The following EPHA3 variants were observed in gnomAD, a reference collection of about 807,000 sequenced individuals.
The protein encoded by EPHA3 is ephrin type-A receptor 3.
A neutral mutation model predicts 107.1 loss-of-function variants in EPHA3; 42 were observed. The observed-to-expected ratio is 0.39, with a 90% CI of 0.31 to 0.51. The LOEUF (loss-of-function observed/expected upper bound fraction) is 0.51, where lower values mean the gene tolerates loss of function less well. Among genes scored for constraint, EPHA3 ranks in the 20% least tolerant of loss-of-function variants. EPHA3 has a pLI of 0.78. For synonymous variants in EPHA3, 461 were observed against 424.8 expected (o/e 1.09, Z -1.05); for missense variants, 1,183 against 1,211.2 (o/e 0.98, Z 0.35).
chr3:89,381,645 G>T (rs1014571162), intron 5 of EPHA3, among the ~76,000 whole-genome samples: 1 of 151,896 alleles, frequency 6.6e-6, no homozygotes, highest in African/African-American at 2.4e-5. Context: ...CTCCAGCCTG[G>T]GTGACGGAGT....
intron 1 of EPHA3, among the ~76,000 whole-genome samples, chr3:89,110,267 A>G (rs1345355817): frequency 1.3e-5 from 2 of 151,966 alleles, no homozygotes; most frequent in East Asian, 1.9e-4. Context: ...ATATTCTTCA[A>G]TCTGTTATGA....
intron 2 of EPHA3, among the ~76,000 whole-genome samples, chr3:89,134,926 C>T (rs1263966736): frequency 6.6e-6 from 1 of 152,092 alleles, no homozygotes; most frequent in Non-Finnish European, 1.5e-5. Flanking sequence ...TAAGTCATTA[C>T]CAAAAACAAA....
At chr3:89,390,766 G>A (rs80044509) in intron 5 of EPHA3, among the ~76,000 whole-genome samples, 2,403 of 149,644 alleles carry the variant, frequency 0.016, 68 homozygotes, top group African/African-American at 0.056. Flanking sequence ...ATGTCTTCTT[G>A]GAAGAGAAAT....
At chr3:89,217,458 A>G (rs1432718680) in intron 3 of EPHA3, among the ~76,000 whole-genome samples, 1 of 152,102 alleles carries the variant, frequency 6.6e-6, no homozygotes, top group Non-Finnish European at 1.5e-5. Context: ...TCTTACCGCT[A>G]TTTCTATAAA....
Position 89,114,631 on chromosome 3 carries a change from C to T in EPHA3, c.88+6795C>T, listed in dbSNP as rs187814236. On this transcript the variant is annotated intron_variant, in intron 1 of 16. Coordinates refer to ENST00000336596, the MANE Select transcript of EPHA3 (RefSeq NM_005233.6). ...TCCCGAGGTAGGGTGGGTGGGCGAGCGCAGCCTGATGCTCTTTTGCTCCGG... is the reference window on the plus strand; with the variant it reads ...TCCCGAGGTAGGGTGGGTGGGCGAGTGCAGCCTGATGCTCTTTTGCTCCGG... Among the ~76,000 whole-genome samples the T allele has an allele frequency of 2.7e-3, 410 of 152,304 alleles. 2 individuals carry two copies. Among genetic ancestry groups the T allele is most frequent in the African/African-American group, 9.2e-3 (383 of 41,572 alleles).
intron 3 of EPHA3, among the ~76,000 whole-genome samples, chr3:89,290,234 A>C (rs1366647112): frequency 2.6e-5 from 4 of 152,142 alleles, no homozygotes; most frequent in Admixed American, 1.3e-4. Context: ...GTTCCTTTAC[A>C]AACGTATCAA....
chr3:89,246,163 C>A (rs1365157019), intron 3 of EPHA3, among the ~76,000 whole-genome samples: 1 of 152,030 alleles, frequency 6.6e-6, no homozygotes, highest in East Asian at 1.9e-4. Flanking sequence ...ATTATGCCAC[C>A]TTCTGCATTT....
Position 89,347,348 on chromosome 3 carries a change from G to A in EPHA3, c.1306+5258G>A, listed in dbSNP as rs922461496. Among the ~76,000 whole-genome samples the A allele has an allele frequency of 9.1e-4, 134 of 147,740 alleles. 4 individuals are homozygous for A. Among genetic ancestry groups the A allele is most frequent in the Non-Finnish European group, 3.2e-4 (21 of 65,904 alleles). ...AGGTCCTTCACATCCCTTGTAAGTTGGATTCCTAGGTATTTTATTCTCTTT... is the reference window on the plus strand; with the variant it reads ...AGGTCCTTCACATCCCTTGTAAGTTAGATTCCTAGGTATTTTATTCTCTTT... On this transcript the variant is annotated intron_variant, in intron 5 of 16. Coordinates refer to ENST00000336596, the MANE Select transcript of EPHA3 (RefSeq NM_005233.6).
At chr3:89,138,616 C>T (rs969996197) in intron 2 of EPHA3, among the ~76,000 whole-genome samples, 1 of 151,734 alleles carries the variant, frequency 6.6e-6, no homozygotes, top group African/African-American at 2.4e-5. Flanking sequence ...ACATTTTAAG[C>T]AGGTGATCAG....
At chr3:89,292,590 T>A (rs1477992392) in intron 3 of EPHA3, among the ~76,000 whole-genome samples, 4 of 152,184 alleles carry the variant, frequency 2.6e-5, no homozygotes, top group Non-Finnish European at 5.9e-5. Flanking sequence ...ATTTTGATTT[T>A]CCAATTTGTA....
At chr3:89,192,015 C>T (rs1361658230) in intron 2 of EPHA3, among the ~76,000 whole-genome samples, 5 of 152,078 alleles carry the variant, frequency 3.3e-5, no homozygotes, top group Non-Finnish European at 5.9e-5. Flanking sequence ...TGTGTGACTT[C>T]GGGACCTTCC....
chr3:89,408,954 A>G (rs1375613095), intron 9 of EPHA3, among the ~76,000 whole-genome samples: 1 of 152,096 alleles, frequency 6.6e-6, no homozygotes, highest in Non-Finnish European at 1.5e-5. Context: ...TTATTTGCAA[A>G]TTGACATGAT....
At position 89,450,245 on chromosome 3, in the gene EPHA3, G is replaced by A. The variant is rs764487420; in HGVS notation, c.2565G>A (p.Gln855=). 1 of 1,613,896 alleles carries A rather than the reference G, an allele frequency of 6.2e-7. No homozygotes were observed. The highest frequency in any genetic ancestry group is 1.1e-5 in the South Asian group (1 of 91,036). Residue 855 remains glutamine, a synonymous_variant, in exon 15 of 17, where the codon CAG becomes CAA. Transcript: ENST00000336596. ...PPMDCPAALY[Q]LMLDCWQKDR... is the part of the protein sequence containing the mutation. ...TGGACTGCCCAGCTGCCTTGTATCA[G>A]CTGATGCTGGACTGCTGGCAGAAAG...
intron 2 of EPHA3, among the ~76,000 whole-genome samples, chr3:89,131,417 C>T (rs997892642): frequency 6.6e-6 from 1 of 152,098 alleles, no homozygotes; most frequent in Non-Finnish European, 1.5e-5. Flanking sequence ...CAGCCTTTTG[C>T]TTACACATGA....
At chr3:89,115,937 C>T (rs1707244382) in intron 1 of EPHA3, among the ~76,000 whole-genome samples, 1 of 152,146 alleles carries the variant, frequency 6.6e-6, no homozygotes, top group Non-Finnish European at 1.5e-5. Flanking sequence ...ACTAATTTGT[C>T]TTCTGACTTT....
rs560573361 is a variant in EPHA3, at chr3:89,442,435, C to T, written c.2347-6790C>T. Reference sequence around the variant, plus strand: ...GTACAACATTTAAAGCAGTAGTTCGCAAATGGGGATGATTTTGTTCCCCAG... The same window carrying T: ...GTACAACATTTAAAGCAGTAGTTCGTAAATGGGGATGATTTTGTTCCCCAG... On this transcript the variant is annotated intron_variant, in intron 13 of 16. Transcript: ENST00000336596. Among the ~76,000 whole-genome samples the T allele has an allele frequency of 3.3e-5, 5 of 152,250 alleles. No homozygotes were observed. In the East Asian group the frequency reaches 9.7e-4, roughly 29 times the overall value.
intron 1 of EPHA3, among the ~76,000 whole-genome samples, chr3:89,124,517 G>A (rs182890317): frequency 6.6e-6 from 1 of 152,084 alleles, no homozygotes; most frequent in Admixed American, 6.6e-5. Flanking sequence ...CAAAGTATGT[G>A]CTTTTAAAGT....
At chr3:89,110,951 A>AT (rs1165985295) in intron 1 of EPHA3, among the ~76,000 whole-genome samples, 2 of 152,086 alleles carry the variant, frequency 1.3e-5, no homozygotes, top group East Asian at 1.9e-4. Context: ...ACACTAAATC[A>AT]TTTTTTCTAT....
chr3:89,399,952 C>A (rs1172465021), intron 7 of EPHA3: 7 of 1,049,210 alleles, frequency 6.7e-6, no homozygotes, highest in Non-Finnish European at 8.1e-6. Context: ...TTTATCACTT[C>A]ATTCACATTC....
Sources: allele counts gnomAD v4.1 joint callset (sites outside exome capture counted in the v4.1 genomes callset), GRCh38; gene constraint gnomAD v4.1.1; transcripts MANE v1.5; gene names NCBI Gene and HGNC (gene_info 2026-07-23, HGNC 2026-07-21).